Variants in ZFYVE9 observed in about 807,000 individuals in gnomAD.
ZFYVE9 encodes zinc finger FYVE domain-containing protein 9.
ZFYVE9 carries 43 observed loss-of-function variants against 126.7 expected under a neutral mutation model. That is an observed-to-expected ratio of 0.34 (90% CI 0.27 to 0.44). The LOEUF is 0.44. ZFYVE9 is among the 20% of genes least tolerant of loss of function. The probability of loss-of-function intolerance (pLI) is 1.00; values close to 1 mark genes in which losing one functional copy is unlikely to be tolerated. For synonymous variants in ZFYVE9, 521 were observed against 597.4 expected (o/e 0.87, Z 1.87); for missense variants, 1,476 against 1,697.0 (o/e 0.87, Z 2.29).
At chr1:52,241,386 GTCT>G (rs769719093) in intron 4 of ZFYVE9, among the ~76,000 whole-genome samples, 22 of 152,146 alleles carry the variant, frequency 1.4e-4, no homozygotes, top group African/African-American at 4.3e-4. Flanking sequence ...ATATTTTCCA[GTCT>G]TCTTCTTGTT....
intron 2 of ZFYVE9, among the ~76,000 whole-genome samples, chr1:52,231,844 C>A (rs1381613099): frequency 6.6e-6 from 1 of 151,994 alleles, no homozygotes; most frequent in African/African-American, 2.4e-5. Flanking sequence ...CCAGGCTGGT[C>A]TCAAACTCCT....
chr1:52,267,187 G>T (rs886338651), intron 6 of ZFYVE9, among the ~76,000 whole-genome samples: 1 of 152,140 alleles, frequency 6.6e-6, no homozygotes, highest in Non-Finnish European at 1.5e-5. Context: ...TAGGAGTTTA[G>T]TAAGTGATAA....
intron 1 of ZFYVE9, among the ~76,000 whole-genome samples, chr1:52,204,701 T>G (rs1308806554): frequency 6.6e-6 from 1 of 151,804 alleles, no homozygotes; most frequent in Non-Finnish European, 1.5e-5. Flanking sequence ...CACTCCAGCC[T>G]GGACAACAGA....
chr1:52,175,239 T>G (rs867651245), intron 1 of ZFYVE9, among the ~76,000 whole-genome samples: 152 of 150,278 alleles, frequency 1.0e-3, no homozygotes, highest in African/African-American at 3.5e-3. Flanking sequence ...GTCTGTAAAG[T>G]ATTTTATTTC....
At chr1:52,311,248 A>G (rs899436472) in intron 13 of ZFYVE9, among the ~76,000 whole-genome samples, 3 of 146,320 alleles carry the variant, frequency 2.1e-5, no homozygotes, top group African/African-American at 7.5e-5. Context: ...AGAATCAAAT[A>G]GACCTTGGAT....
chr1:52,324,969 T>C (rs923719093), intron 13 of ZFYVE9, among the ~76,000 whole-genome samples: 2 of 151,802 alleles, frequency 1.3e-5, no homozygotes, highest in African/African-American at 2.4e-5. Flanking sequence ...AAAGACCCCA[T>C]CCATACAAAA....
At chr1:52,223,209 C>T (rs758201206) in intron 2 of ZFYVE9, among the ~76,000 whole-genome samples, 4 of 152,160 alleles carry the variant, frequency 2.6e-5, no homozygotes, top group Non-Finnish European at 4.4e-5. Context: ...TCTTTTCCCT[C>T]TCCCATTCAG....
intron 16 of ZFYVE9, among the ~76,000 whole-genome samples, chr1:52,338,433 G>A (rs1646408017): frequency 6.6e-6 from 1 of 152,114 alleles, no homozygotes; most frequent in Non-Finnish European, 1.5e-5. Context: ...AATGGTTCAA[G>A]CCAAAACCTT....
intron 13 of ZFYVE9, among the ~76,000 whole-genome samples, chr1:52,322,103 C>T (rs2820329): frequency 0.92 from 140,111 of 152,248 alleles, 64,653 homozygotes; most frequent in East Asian, 1. Context: ...CAGGCTTCTC[C>T]ATCTAAATTA....
At chr1:52,267,913 T>G (rs890142611) in intron 6 of ZFYVE9, among the ~76,000 whole-genome samples, 5 of 152,214 alleles carry the variant, frequency 3.3e-5, no homozygotes, top group African/African-American at 9.6e-5. Flanking sequence ...TCAGTTACAC[T>G]TCAGGCAAAG....
At chr1:52,186,915 A>G (rs1374430949) in intron 1 of ZFYVE9, among the ~76,000 whole-genome samples, 2 of 152,184 alleles carry the variant, frequency 1.3e-5, no homozygotes, top group Admixed American at 6.5e-5. Context: ...TACAGATTCA[A>G]TGATATTCCT....
At chr1:52,147,433 G>C (rs569327878) in intron 1 of ZFYVE9, among the ~76,000 whole-genome samples, 1 of 152,082 alleles carries the variant, frequency 6.6e-6, no homozygotes, top group Non-Finnish European at 1.5e-5. Context: ...CTAGGCAACC[G>C]CTAATGTACT....
intron 1 of ZFYVE9, among the ~76,000 whole-genome samples, chr1:52,152,222 T>A (rs1464700779): frequency 6.6e-6 from 1 of 152,172 alleles, no homozygotes; most frequent in Non-Finnish European, 1.5e-5. Flanking sequence ...ACTCCTGACC[T>A]CAGATGATCC....
At chr1:52,219,746 C>CG (rs1557463582) in intron 2 of ZFYVE9, among the ~76,000 whole-genome samples, 1 of 120,398 alleles carries the variant, frequency 8.3e-6, no homozygotes, top group African/African-American at 3.3e-5. Flanking sequence ...AGGCCAAGAT[C>CG]TTTTGTGTGT....
At chr1:52,342,107 C>CT (rs1646442013) in intron 17 of ZFYVE9, among the ~76,000 whole-genome samples, 4 of 152,118 alleles carry the variant, frequency 2.6e-5, no homozygotes, top group Non-Finnish European at 4.4e-5. Flanking sequence ...GACTCCCACT[C>CT]GGTCATTTCA....
In ZFYVE9 at chr1:52,344,921, C is replaced by T. The variant is rs2147880882; in HGVS notation, c.4093C>T (p.Arg1365Cys). 3 of 1,614,154 alleles carry T rather than the reference C, an allele frequency of 1.9e-6. No homozygotes were observed. Among genetic ancestry groups the T allele is most frequent in the Admixed American group, 1.7e-5 (1 of 60,014 alleles). The change falls in exon 18 of 19, where the codon CGT becomes TGT. Residue 1365 changes from arginine to cysteine, a missense_variant. Arg to Cys is a radical substitution (Grantham distance 180). Around this residue, in one of 2 missense-constraint regions of ZFYVE9, gnomAD observed 669 missense variants for 902.4 expected, o/e 0.74. Coordinates refer to ENST00000287727, the MANE Select transcript of ZFYVE9 (RefSeq NM_004799.4). Reference protein sequence around the residue: ...KEDGMTKLGLRVTLDSDQVGY... With the variant: ...KEDGMTKLGLCVTLDSDQVGY... ...AGATGGAATGACCAAACTGGGACTACGTGTGACACTTGACTCAGATCAGGT... is the reference window on the plus strand; with the variant it reads ...AGATGGAATGACCAAACTGGGACTATGTGTGACACTTGACTCAGATCAGGT...
chr1:52,262,571 T>C (rs1204718746), intron 4 of ZFYVE9, among the ~76,000 whole-genome samples: 1 of 152,196 alleles, frequency 6.6e-6, no homozygotes, highest in Non-Finnish European at 1.5e-5. Context: ...ATAACAGTCA[T>C]AGTAACTAGA....
rs760104683 is a variant in ZFYVE9, at chr1:52,263,815, T to C, written c.2221T>C (p.Tyr741His). 2.5e-5 allele frequency: 37 copies of C among 1,495,672 alleles called. No homozygotes were observed. Among genetic ancestry groups the C allele is most frequent in the East Asian group, 2.6e-5 (1 of 39,100 alleles). 92.7% of individuals were successfully genotyped at this position (1,495,672 alleles called of 1,614,324 possible). A position where few individuals can be genotyped will look rare whatever the true frequency, so the allele number is the denominator to read the frequency against. ...SCCSLKCKLL[Y>H]MDRKEARVCV... is the part of the protein sequence containing the mutation. The stretch of plus-strand genomic sequence containing the variant: ...CTGTAGCCTGAAATGTAAACTGTTA[T>C]ACATGGACAGAAAGGAAGCTAGAGT... Residue 741 changes from tyrosine to histidine, a missense_variant, in exon 5 of 19, where the codon TAC becomes CAC. Coordinates refer to ENST00000287727, the MANE Select transcript of ZFYVE9 (RefSeq NM_004799.4).
At chr1:52,196,876 A>G (rs1235699336) in intron 1 of ZFYVE9, among the ~76,000 whole-genome samples, 3 of 152,142 alleles carry the variant, frequency 2.0e-5, no homozygotes, top group Non-Finnish European at 4.4e-5. Context: ...GAAAGTGACA[A>G]AAGTATAAAC....
Sources: allele counts gnomAD v4.1 joint callset (sites outside exome capture counted in the v4.1 genomes callset), GRCh38; gene constraint gnomAD v4.1.1; regional missense constraint gnomAD v4.1.1; transcripts MANE v1.5; gene names NCBI Gene and HGNC (gene_info 2026-07-23, HGNC 2026-07-21).